Variants in KRIT1 observed in about 807,000 individuals in gnomAD.
KRIT1 encodes the protein krev interaction trapped protein 1.
A neutral mutation model predicts 95.8 loss-of-function variants in KRIT1; 45 were observed. The observed-to-expected ratio is 0.47, with a 90% CI of 0.37 to 0.60. KRIT1 has a LOEUF of 0.60. Among genes scored for constraint, KRIT1 ranks in the 20% least tolerant of loss-of-function variants. KRIT1 has a pLI of 0.00. For missense variants in KRIT1, 788 were observed against 877.5 expected, an observed-to-expected ratio of 0.90 and a Z score of 1.29; for synonymous variants, 282 against 278.8, an observed-to-expected ratio of 1.01 and a Z score of -0.11.
intron 17 of KRIT1, chr7:92,206,840 A>G (rs1348307032): frequency 2.6e-5 from 4 of 152,010 alleles, no homozygotes; most frequent in African/African-American, 9.7e-5. Flanking sequence ...GAAGAACTCA[A>G]TAAATGAAAT....
At chr7:92,208,932 C>T (rs891141673) in intron 17 of KRIT1, among the ~76,000 whole-genome samples, 2 of 151,966 alleles carry the variant, frequency 1.3e-5, no homozygotes, top group African/African-American at 4.8e-5. Flanking sequence ...AACATAGATG[C>T]AAAAATCACC....
At chr7:92,208,928 G>C (rs1200305652) in intron 17 of KRIT1, among the ~76,000 whole-genome samples, 1 of 151,934 alleles carries the variant, frequency 6.6e-6, no homozygotes, top group Non-Finnish European at 1.5e-5. Flanking sequence ...GAAAAACATA[G>C]ATGCAAAAAT....
intron 7 of KRIT1, 24 bp downstream of exon 7, chr7:92,236,389 G>C (rs1443467191): frequency 9.8e-6 from 15 of 1,532,800 alleles, no homozygotes; most frequent in Non-Finnish European, 1.4e-5. Context: ...TTAATTAAAA[G>C]ATACTTCTAA....
In KRIT1 at chr7:92,242,054, A is replaced by G. The variant is rs754156971; in HGVS notation, c.82T>C (p.Tyr28His). Residue 28 changes from tyrosine (Y) to histidine (H), a missense_variant, in exon 4 of 19, where the codon TAC becomes CAC. Physicochemically the swap from Tyr to His is moderately conservative, Grantham distance 83 (BLOSUM62 2). Transcript: ENST00000394505. ...KNTASLNSREYRAKSYEILLH... is the reference protein window; with the variant it reads ...KNTASLNSREHRAKSYEILLH... ...CTTACTTCATATGACTTAGCTCTGT[A>G]TTCCCGAGAATTGAGACTGGCAGTA... is the stretch of plus-strand genomic sequence containing the variant. The G allele has an allele frequency of 6.4e-7, 1 of 1,552,762 alleles. No homozygotes were observed. Among genetic ancestry groups the G allele is most frequent in the Non-Finnish European group, 8.9e-7 (1 of 1,124,508 alleles).
chr7:92,237,025 T>C (rs1798577806), intron 6 of KRIT1, among the ~76,000 whole-genome samples: 1 of 152,160 alleles, frequency 6.6e-6, no homozygotes, highest in African/African-American at 2.4e-5. Flanking sequence ...ATTTCGTATC[T>C]AATACCTCAT....
intron 3 of KRIT1, 146 bp from the exon 4 acceptor site, chr7:92,242,283 A>C (rs1001955326): frequency 1.6e-6 from 1 of 630,998 alleles, no homozygotes; most frequent in Non-Finnish European, 2.8e-6. Flanking sequence ...AATGTTCTCT[A>C]TCCTAGAATA....
intron 17 of KRIT1, among the ~76,000 whole-genome samples, chr7:92,203,285 T>C (rs1790635413): frequency 6.6e-6 from 1 of 152,228 alleles, no homozygotes; most frequent in Non-Finnish European, 1.5e-5. Context: ...CTAGTAGACC[T>C]TGGTGAATCT....
rs907332181 is a variant in KRIT1, at chr7:92,200,017, A to G, written c.*719T>C. The G allele has an allele frequency of 6.6e-6, 1 of 152,658 alleles. No homozygotes were observed. The highest frequency in any genetic ancestry group is 2.4e-5 in the African/African-American group (1 of 41,452). The allele number at this position is 152,658 out of a possible 1,614,324, so 9.5% of individuals were successfully genotyped here. A position where few individuals can be genotyped will look rare whatever the true frequency, so the allele number is the denominator to read the frequency against. Reference sequence around the variant, plus strand: ...TTTAAATAACAGTGTTATGTGGTTCAAGTAGAAAATACATTTTCTTTATTC... The same window carrying G: ...TTTAAATAACAGTGTTATGTGGTTCGAGTAGAAAATACATTTTCTTTATTC... On this transcript the variant is annotated 3_prime_UTR_variant, in exon 19 of 19. Coordinates refer to ENST00000394505, the MANE Select transcript of KRIT1 (RefSeq NM_194454.3).
At chr7:92,234,980 A>G (rs556067670) in intron 8 of KRIT1, 57 bp from the exon 9 acceptor site, 4 of 827,650 alleles carry the variant, frequency 4.8e-6, no homozygotes, top group Non-Finnish European at 6.3e-6. Flanking sequence ...CTTAATGTTT[A>G]CATGTTTATA....
intron 5 of KRIT1, 37 bp from the exon 6 acceptor site, chr7:92,237,796 T>C (rs770526553): frequency 2.9e-6 from 3 of 1,040,134 alleles, no homozygotes; most frequent in South Asian, 1.3e-5. Flanking sequence ...ACAAAAATAA[T>C]ACACTTTTAA....
chr7:92,200,932 G>C (rs987702497), intron 18 of KRIT1, 128 bp from the exon 19 acceptor site: 3 of 719,650 alleles, frequency 4.2e-6, no homozygotes, highest in African/African-American at 1.8e-5. Flanking sequence ...CTTGTTAAGA[G>C]AGAGTATAGA....
chr7:92,205,362 A>G (rs1298669722), intron 17 of KRIT1, among the ~76,000 whole-genome samples: 5 of 152,158 alleles, frequency 3.3e-5, no homozygotes, highest in African/African-American at 7.2e-5. Flanking sequence ...AACAACAACA[A>G]AAAAGACACA....
In KRIT1 at chr7:92,241,130, A is replaced by G. The variant is rs778226731; in HGVS notation, c.125T>C (p.Ile42Thr). 1.4e-5 allele frequency: 22 copies of G among 1,610,590 alleles called. No homozygotes were observed. Among genetic ancestry groups the G allele is most frequent in the Middle Eastern group, 1.7e-4 (1 of 6,044 alleles). Residue 42 changes from isoleucine (I) to threonine (T), a missense_variant, in exon 5 of 19, where the codon ATT (isoleucine) becomes ACT (threonine). By Grantham distance (89) the Ile-to-Thr change is moderately conservative. Transcript: ENST00000394505. Reference protein sequence around the residue: ...SYEILLHEVPIEGQKKKRKKV... With the variant: ...SYEILLHEVPTEGQKKKRKKV... ...CTTTCTCTTTTTTTTCTGTCCTTCA[A>G]TGGGAACTTCATGCAACAAAATCTT...
At chr7:92,236,155 T>A in intron 7 of KRIT1, 1 of 367,068 alleles carries the variant, frequency 2.7e-6, no homozygotes, top group Non-Finnish European at 5.0e-6. Flanking sequence ...TATAGTTTCA[T>A]AACAGGTAAA....
At chr7:92,206,937 A>G (rs1791628240) in intron 17 of KRIT1, 1 of 130,880 alleles carries the variant, frequency 7.6e-6, no homozygotes, top group Non-Finnish European at 1.6e-5. Context: ...ACCCAGGCAG[A>G]CAAAAAAAAA....
chr7:92,235,919 C>A, intron 7 of KRIT1: 1 of 294,884 alleles, frequency 3.4e-6, no homozygotes, highest in East Asian at 7.6e-5. Context: ...AGTCAGTATA[C>A]AAATACTTCA....
intron 11 of KRIT1, among the ~76,000 whole-genome samples, chr7:92,226,182 A>G (rs1326993122): frequency 6.6e-6 from 1 of 152,168 alleles, no homozygotes; most frequent in Non-Finnish European, 1.5e-5. Flanking sequence ...AATACAATAT[A>G]AAATGAAAAG....
rs867258997 is a variant in KRIT1, at chr7:92,219,227, C to T, written c.1563+2675G>A. On this transcript the variant is annotated intron_variant, in intron 14 of 18. Coordinates refer to ENST00000394505, the MANE Select transcript of KRIT1 (RefSeq NM_194454.3). ...ATGTGGGCCAGGCTGGTCTAGAACTCCTGTCCTCAAGTGATCCACCCGCCT... is the reference window on the plus strand; with the variant it reads ...ATGTGGGCCAGGCTGGTCTAGAACTTCTGTCCTCAAGTGATCCACCCGCCT... 4.6e-5 allele frequency among the ~76,000 whole-genome samples: 7 copies of T among 152,286 alleles called. No individual in the cohort carries two copies. The South Asian group carries it at 1.0e-3, about 23-fold the overall frequency.
chr7:92,239,148 A>G (rs1799035536), intron 5 of KRIT1, among the ~76,000 whole-genome samples: 1 of 152,170 alleles, frequency 6.6e-6, no homozygotes, highest in African/African-American at 2.4e-5. Context: ...ATATTAGTAC[A>G]TTTTATGTCT....
Sources: allele counts gnomAD v4.1 joint callset (sites outside exome capture counted in the v4.1 genomes callset), GRCh38; gene constraint gnomAD v4.1.1; transcripts MANE v1.5; gene names NCBI Gene and HGNC (gene_info 2026-07-23, HGNC 2026-07-21).